ZZZ3: variants seen among roughly 807,000 people sequenced by gnomAD.
ZZZ3 encodes the protein zinc finger ZZ-type containing 3, also known as ZZ-type zinc finger-containing protein 3.
ZZZ3 carries 22 observed loss-of-function variants against 95.2 expected under a neutral mutation model. The ratio of observed to expected loss-of-function variants is 0.23; its 90% CI spans 0.17 to 0.33. The LOEUF (loss-of-function observed/expected upper bound fraction) is 0.33, where lower values mean the gene tolerates loss of function less well. Ranked by LOEUF, ZZZ3 falls within the 10% of genes least tolerant of loss-of-function variation. The probability of loss-of-function intolerance (pLI) is 1.00; values close to 1 mark genes in which losing one functional copy is unlikely to be tolerated. For missense variants in ZZZ3, 885 were observed against 1,066.5 expected, an observed-to-expected ratio of 0.83 and a Z score of 2.37; for synonymous variants, 335 against 358.9, an observed-to-expected ratio of 0.93 and a Z score of 0.75.
chr1:77,604,044 G>C (rs1049735983), intron 5 of ZZZ3, among the ~76,000 whole-genome samples: 7 of 152,050 alleles, frequency 4.6e-5, no homozygotes, highest in African/African-American at 1.7e-4. Context: ...GGTCCACACC[G>C]GTAGTCCTAG....
chr1:77,583,879 C>T (rs2100570452), intron 6 of ZZZ3, among the ~76,000 whole-genome samples: 1 of 152,066 alleles, frequency 6.6e-6, no homozygotes, highest in African/African-American at 2.4e-5. Flanking sequence ...TATTTACACA[C>T]CAAGAAACTC....
chr1:77,661,689 T>C (rs899730188), intron 1 of ZZZ3, among the ~76,000 whole-genome samples: 3 of 152,192 alleles, frequency 2.0e-5, no homozygotes, highest in Non-Finnish European at 1.5e-5. Context: ...TCATTCCATA[T>C]CAGATTATGG....
At chr1:77,656,724 G>A (rs115711999) in intron 1 of ZZZ3, among the ~76,000 whole-genome samples, 7 of 152,246 alleles carry the variant, frequency 4.6e-5, no homozygotes, top group East Asian at 1.9e-4. Flanking sequence ...TGGACTCTCC[G>A]TCACCTCTAA....
intron 13 of ZZZ3, among the ~76,000 whole-genome samples, chr1:77,567,808 C>T (rs994145618): frequency 1.3e-5 from 2 of 152,046 alleles, no homozygotes; most frequent in Non-Finnish European, 2.9e-5. Context: ...GGGAAAAAAA[C>T]CCATTTCTGA....
In ZZZ3 at chr1:77,582,088, T is replaced by C. The variant is rs747881658; in HGVS notation, c.1683A>G (p.Gln561=). 1.2e-6 allele frequency: 2 copies of C among 1,613,276 alleles called. No homozygotes were observed. The highest frequency in any genetic ancestry group is 1.7e-6 in the Non-Finnish European group (2 of 1,179,726). ...ATTGGTCCCATACGATCTCAGGCAATTGAACAACTCTCTGTGGATATGGAA... is the reference window on the plus strand; with the variant it reads ...ATTGGTCCCATACGATCTCAGGCAACTGAACAACTCTCTGTGGATATGGAA... ...IGLPYPQRVV[Q]LPEIVWDQYT... The change falls in exon 7 of 15, where the codon CAA becomes CAG. Residue 561 remains glutamine (Q), a synonymous_variant. Transcript: ENST00000370801.
chr1:77,640,349 C>G (rs1299485686), intron 3 of ZZZ3, among the ~76,000 whole-genome samples: 2 of 151,782 alleles, frequency 1.3e-5, no homozygotes, highest in African/African-American at 4.8e-5. Context: ...ACCTGTAATC[C>G]CAGCACTTTG....
intron 5 of ZZZ3, among the ~76,000 whole-genome samples, chr1:77,615,832 T>G (rs1023494640): frequency 1.3e-5 from 2 of 152,226 alleles, no homozygotes; most frequent in African/African-American, 4.8e-5. Context: ...TTGGTTTTAT[T>G]TTTTAGATAA....
intron 4 of ZZZ3, 56 bp downstream of exon 4, chr1:77,639,393 A>G: frequency 7.1e-7 from 1 of 1,408,140 alleles, no homozygotes. Context: ...AAAAAAAAAA[A>G]AGAAGAAGAA....
At chr1:77,646,530 C>T (rs564950899) in intron 1 of ZZZ3, among the ~76,000 whole-genome samples, 10 of 152,162 alleles carry the variant, frequency 6.6e-5, no homozygotes, top group South Asian at 2.1e-4. Flanking sequence ...GCTCTGCTTT[C>T]GTTAAGTCTT....
chr1:77,582,670 C>CT (rs11401605), intron 6 of ZZZ3, among the ~76,000 whole-genome samples: 99,994 of 143,348 alleles, frequency 0.7, 35,136 homozygotes, highest in Non-Finnish European at 0.77. Flanking sequence ...TAATTTTTTT[C>CT]TTTTTTTTTT....
chr1:77,658,515 C>CT lies in ZZZ3; in HGVS notation c.-402-16861dup, dbSNP rs111821277. ...AGGTGTGTACACTACCACATCCTGG[C>CT]TTTTTTTTTTTTTCTTCTTCTTCTT... On this transcript the variant is annotated intron_variant, in intron 1 of 14. Coordinates refer to ENST00000370801, the MANE Select transcript of ZZZ3 (RefSeq NM_015534.6). 1.6e-3 allele frequency among the ~76,000 whole-genome samples: 215 copies of CT among 131,772 alleles called. 5 individuals are homozygous for CT. The highest frequency in any genetic ancestry group is 2.1e-3 in the South Asian group (9 of 4,246). 86.4% of individuals were successfully genotyped at this position (131,772 alleles called of 152,430 possible).
intron 5 of ZZZ3, among the ~76,000 whole-genome samples, chr1:77,613,925 CAAA>C (rs1557726821): frequency 6.6e-6 from 1 of 151,984 alleles, no homozygotes. Flanking sequence ...AACTTAATAA[CAAA>C]TACAAAACAG....
Position 77,581,054 on chromosome 1 carries a change from A to T in ZZZ3, c.1924T>A (p.Leu642Met). The T allele has an allele frequency of 6.2e-7, 1 of 1,614,144 alleles. No homozygotes were observed. Among genetic ancestry groups the T allele is most frequent in the South Asian group, 1.1e-5 (1 of 91,086 alleles). ...GTTTCAGGTTTGGTATCATCACACA[A>T]GCGTCCTCTTATCATCTGCACATAA... is the stretch of plus-strand genomic sequence containing the variant. ...SSRPQMIRGR[L>M]CDDTKPETFN... is the part of the protein sequence containing the mutation. Residue 642 changes from leucine (L) to methionine (M), a missense_variant, in exon 9 of 15, where the codon TTG becomes ATG. Around this residue, in one of 5 missense-constraint regions of ZZZ3, gnomAD observed 99 missense variants for 119.8 expected, o/e 0.83. Transcript: ENST00000370801.
At chr1:77,606,601 T>C (rs1364713983) in intron 5 of ZZZ3, among the ~76,000 whole-genome samples, 2 of 152,160 alleles carry the variant, frequency 1.3e-5, no homozygotes, top group Admixed American at 6.5e-5. Context: ...CAGGGGTGCT[T>C]GTCACCCCAT....
At chr1:77,602,731 C>A (rs1453802371) in intron 5 of ZZZ3, among the ~76,000 whole-genome samples, 4 of 151,706 alleles carry the variant, frequency 2.6e-5, no homozygotes, top group East Asian at 3.9e-4. Context: ...TCAGCCTCCC[C>A]AGTAGCTGGG....
intron 1 of ZZZ3, among the ~76,000 whole-genome samples, chr1:77,671,025 TG>T (rs1263356448): frequency 7.3e-5 from 11 of 150,486 alleles, no homozygotes; most frequent in East Asian, 1.9e-4. Flanking sequence ...TGGTGGGGGT[TG>T]TTTTTTTTAA....
chr1:77,666,170 G>A (rs1395487864), intron 1 of ZZZ3, among the ~76,000 whole-genome samples: 2 of 152,344 alleles, frequency 1.3e-5, no homozygotes, highest in African/African-American at 4.8e-5. Flanking sequence ...AGTAGCAGTG[G>A]TAATAGCTAA....
chr1:77,679,402 T>TTC (rs1285413721), intron 1 of ZZZ3, among the ~76,000 whole-genome samples: 11 of 152,212 alleles, frequency 7.2e-5, no homozygotes, highest in Non-Finnish European at 1.5e-4. Flanking sequence ...ACCTTCTGGG[T>TTC]TCAAGCAATC....
intron 13 of ZZZ3, among the ~76,000 whole-genome samples, chr1:77,567,232 A>G (rs543102058): frequency 3.9e-5 from 6 of 152,198 alleles, no homozygotes; most frequent in Non-Finnish European, 7.3e-5. Context: ...AAGGCTTCTC[A>G]AACTTGCCAA....
Sources: allele counts gnomAD v4.1 joint callset (sites outside exome capture counted in the v4.1 genomes callset), GRCh38; gene constraint gnomAD v4.1.1; regional missense constraint gnomAD v4.1.1; transcripts MANE v1.5; gene names NCBI Gene and HGNC (gene_info 2026-07-23, HGNC 2026-07-21).